PLCG2: variants seen among roughly 807,000 people sequenced by gnomAD.
PLCG2 encodes the protein phospholipase C gamma 2.
In PLCG2, 69 loss-of-function variants were observed where a neutral mutation model predicts 175.6. The observed-to-expected ratio is 0.39, with a 90% confidence interval of 0.32 to 0.48. PLCG2 has a LOEUF of 0.48. Among genes scored for constraint, PLCG2 ranks in the 20% least tolerant of loss-of-function variants. PLCG2 has a pLI of 0.91. For synonymous variants in PLCG2, 827 were observed against 624.0 expected (o/e 1.33, Z -4.85); for missense variants, 1,798 against 1,650.9 (o/e 1.09, Z -1.54).
Position 81,939,882 on chromosome 16 carries a change from C to T in PLCG2, c.3314-10C>T, listed in dbSNP as rs1325104497. The T allele has an allele frequency of 6.2e-7, 1 of 1,606,824 alleles. No individual in the cohort carries two copies. Among genetic ancestry groups the T allele is most frequent in the Non-Finnish European group, 8.5e-7 (1 of 1,173,596 alleles). ...AATGTGGCCTCTCATGAGCTTTGAT[C>T]TCCTTCCAGATGATAATGGCCTCAG... is the stretch of plus-strand genomic sequence containing the variant. On this transcript the variant is annotated splice_polypyrimidine_tract_variant and intron_variant, in intron 29 of 32. Coordinates refer to ENST00000564138, the MANE Select transcript of PLCG2 (RefSeq NM_002661.5).
chr16:81,926,541 T>C (rs1321120032), intron 22 of PLCG2, among the ~76,000 whole-genome samples: 1 of 152,228 alleles, frequency 6.6e-6, no homozygotes, highest in Non-Finnish European at 1.5e-5. Flanking sequence ...CTAACACTAT[T>C]GAGTATTTAC....
chr16:81,803,096 T>A (rs1402635448), intron 2 of PLCG2, among the ~76,000 whole-genome samples: 1 of 151,046 alleles, frequency 6.6e-6, no homozygotes, highest in African/African-American at 2.4e-5. Flanking sequence ...TCACAATACA[T>A]GGCTTTTTGC....
At chr16:81,900,421 C>T (rs1319669324) in intron 13 of PLCG2, among the ~76,000 whole-genome samples, 191 bp from the exon 14 acceptor site, 1 of 152,268 alleles carries the variant, frequency 6.6e-6, no homozygotes, top group Non-Finnish European at 1.5e-5. Context: ...CGCAGCTGTT[C>T]TGAGTCCCAA....
At chr16:81,956,050 C>G (rs184640965) in intron 31 of PLCG2, among the ~76,000 whole-genome samples, 2 of 152,320 alleles carry the variant, frequency 1.3e-5, no homozygotes, top group African/African-American at 2.4e-5. Context: ...CGCTCATTAG[C>G]TGCTGCCACT....
intron 2 of PLCG2, among the ~76,000 whole-genome samples, chr16:81,803,113 CTT>C (rs762278218): frequency 1.2e-3 from 154 of 131,380 alleles, no homozygotes; most frequent in Admixed American, 2.1e-3. Flanking sequence ...TTGCATTTCA[CTT>C]TTTTTTTTTT....
At chr16:81,755,619 G>T (rs957676760) in intron 1 of PLCG2, among the ~76,000 whole-genome samples, 3 of 152,026 alleles carry the variant, frequency 2.0e-5, no homozygotes, top group Non-Finnish European at 4.4e-5. Flanking sequence ...TCTGCCTCCT[G>T]GGTTCAAGTG....
intron 7 of PLCG2, among the ~76,000 whole-genome samples, chr16:81,874,785 T>C (rs1032992649): frequency 2.6e-5 from 4 of 152,302 alleles, no homozygotes; most frequent in African/African-American, 7.2e-5. Context: ...CTTCAGAGTT[T>C]CCAAAAGTTT....
intron 5 of PLCG2, among the ~76,000 whole-genome samples, chr16:81,865,140 G>T (rs1294266872): frequency 6.6e-6 from 1 of 152,186 alleles, no homozygotes; most frequent in Non-Finnish European, 1.5e-5. Context: ...CTGTGGAGCT[G>T]TCCTGAATTG....
chr16:81,945,446 C>T (rs541173414), intron 30 of PLCG2, among the ~76,000 whole-genome samples: 7 of 152,346 alleles, frequency 4.6e-5, no homozygotes, highest in East Asian at 1.9e-4. Flanking sequence ...TACTGTTAAC[C>T]ATGGTTCCTT....
At chr16:81,874,151 A>G (rs1465196581) in intron 7 of PLCG2, among the ~76,000 whole-genome samples, 1 of 152,202 alleles carries the variant, frequency 6.6e-6, no homozygotes, top group Non-Finnish European at 1.5e-5. Flanking sequence ...GCCTACATTT[A>G]AAACTTGAGA....
At chr16:81,793,585 G>A (rs758864537) in intron 2 of PLCG2, among the ~76,000 whole-genome samples, 3 of 152,134 alleles carry the variant, frequency 2.0e-5, no homozygotes, top group Non-Finnish European at 4.4e-5. Flanking sequence ...GCTTATTTGT[G>A]GCAAGTGGTG....
intron 31 of PLCG2, among the ~76,000 whole-genome samples, chr16:81,950,417 G>C (rs1330473556): frequency 6.6e-6 from 1 of 152,096 alleles, no homozygotes. Context: ...AAGTATATAA[G>C]ACAAAAATTC....
intron 2 of PLCG2, among the ~76,000 whole-genome samples, chr16:81,851,034 G>A (rs7202205): frequency 0.18 from 27,668 of 152,106 alleles, 2,539 homozygotes; most frequent in Middle Eastern, 0.24. Context: ...TGTAGTAGAA[G>A]TCCTCAGTGG....
At chr16:81,817,120 G>A (rs2143318476) in intron 2 of PLCG2, among the ~76,000 whole-genome samples, 1 of 152,256 alleles carries the variant, frequency 6.6e-6, no homozygotes, top group South Asian at 2.1e-4. Flanking sequence ...GGGAGGTGAA[G>A]ACAAAGCCCT....
intron 9 of PLCG2, among the ~76,000 whole-genome samples, chr16:81,888,772 A>G (rs900456785): frequency 2.0e-5 from 3 of 152,214 alleles, no homozygotes; most frequent in African/African-American, 7.2e-5. Context: ...GTAAAGAGCT[A>G]TCATAGGGCA....
intron 26 of PLCG2, chr16:81,935,448 C>G (rs759608004): frequency 7.9e-5 from 65 of 821,180 alleles, no homozygotes; most frequent in Non-Finnish European, 9.4e-5. Context: ...GACCTTCTAC[C>G]ACATTCTCCA....
chr16:81,935,447 CCA>C, intron 26 of PLCG2: 1 of 815,928 alleles, frequency 1.2e-6, no homozygotes, highest in African/African-American at 1.9e-5. Context: ...AGACCTTCTA[CCA>C]CATTCTCCAG....
At chr16:81,911,645 C>CT (rs566436540) in intron 18 of PLCG2, among the ~76,000 whole-genome samples, 24 of 152,130 alleles carry the variant, frequency 1.6e-4, no homozygotes, top group African/African-American at 5.3e-4. Flanking sequence ...GGGTCTCGCT[C>CT]TGTCTCCCAG....
At chr16:81,900,865 A>G (rs199642195) in intron 14 of PLCG2, 85 bp downstream of exon 14, 252 of 1,263,060 alleles carry the variant, frequency 2.0e-4, no homozygotes, top group African/African-American at 1.2e-3. Context: ...ACCAAGTTCT[A>G]TGTCCTACTG....
Sources: allele counts gnomAD v4.1 joint callset (sites outside exome capture counted in the v4.1 genomes callset), GRCh38; gene constraint gnomAD v4.1.1; transcripts MANE v1.5; gene names NCBI Gene and HGNC (gene_info 2026-07-23, HGNC 2026-07-21).